OGG1: variants seen among roughly 807,000 people sequenced by gnomAD.
OGG1 encodes 8-oxoguanine DNA glycosylase, also known as N-glycosylase/DNA lyase.
OGG1 carries 35 observed loss-of-function variants against 42.3 expected under a neutral mutation model. That is an observed-to-expected ratio of 0.83 (90% CI 0.63 to 1.10). OGG1 has a LOEUF of 1.10. OGG1 is among the 50% of genes least tolerant of loss of function. The pLI, the probability that OGG1 is intolerant of heterozygous loss-of-function variation, is 0.00. For missense variants in OGG1, 484 were observed against 446.7 expected (o/e 1.08, Z -0.75); for synonymous variants, 189 against 179.0 (o/e 1.06, Z -0.44).
chr3:9,778,304 T>C (rs1229318434), intron 2 of OGG1, among the ~76,000 whole-genome samples: 1 of 152,210 alleles, frequency 6.6e-6, no homozygotes, highest in Non-Finnish European at 1.5e-5. Flanking sequence ...CACTGAGAAA[T>C]TGCAGCAGCT....
chr3:9,768,897 G>T (rs1307247578), downstream of OGG1, among the ~76,000 whole-genome samples: 1 of 152,094 alleles, frequency 6.6e-6, no homozygotes, highest in African/African-American at 2.4e-5. Flanking sequence ...TAGGAAAGGA[G>T]ACTCGAGTGT....
rs1373418749 is a variant in OGG1, at chr3:9,750,307, G to A, written c.21G>A (p.Leu7=). 1 of 1,612,708 alleles carries A rather than the reference G, an allele frequency of 6.2e-7. No individual in the cohort carries two copies. Among genetic ancestry groups the A allele is most frequent in the Non-Finnish European group, 8.5e-7 (1 of 1,179,344 alleles). The change falls in exon 1 of 7, where the codon CTG becomes CTA. Residue 7 remains leucine (L), a synonymous_variant. Transcript: ENST00000344629. The stretch of plus-strand genomic sequence containing the variant: ...TGGAAATGCCTGCCCGCGCGCTTCT[G>A]CCCAGGCGCATGGGGCATCGTACTC... MPARAL[L]PRRMGHRTLA...
downstream of OGG1, among the ~76,000 whole-genome samples, chr3:9,768,670 T>A (rs1008942999): frequency 6.6e-6 from 1 of 152,170 alleles, no homozygotes; most frequent in African/African-American, 2.4e-5. Context: ...ATGGGCCCCA[T>A]TCAGAGAACA....
At chr3:9,775,232 C>G (rs2078349998) in intron 2 of OGG1, among the ~76,000 whole-genome samples, 1 of 151,728 alleles carries the variant, frequency 6.6e-6, no homozygotes, top group Non-Finnish European at 1.5e-5. Flanking sequence ...GAGCAAGACC[C>G]TGTCTCAAAA....
intron 2 of OGG1, chr3:9,780,656 G>T: frequency 8.3e-7 from 1 of 1,201,352 alleles, no homozygotes; most frequent in Non-Finnish European, 1.1e-6. Flanking sequence ...CATGCCTGTG[G>T]ATTGTGTCAT....
At chr3:9,773,318 A>G (rs1387438831) in intron 2 of OGG1, among the ~76,000 whole-genome samples, 2 of 151,832 alleles carry the variant, frequency 1.3e-5, no homozygotes, top group Non-Finnish European at 2.9e-5. Context: ...TCATGAGGTC[A>G]GGAGATCGAG....
rs535504169 is a variant in OGG1 at position 9,775,812 on chromosome 3, G to A, written c.295-5701G>A. Among the ~76,000 whole-genome samples, 7 of 152,116 alleles carry A rather than the reference G, an allele frequency of 4.6e-5. No individual in the cohort carries two copies. In the East Asian group the frequency reaches 1.4e-3, roughly 29 times the overall value. On this transcript the variant is annotated intron_variant, in intron 2 of 3. Coordinates refer to the OGG1 transcript ENST00000426518. ...GTGCCACCATGCCTGGCTACGTTTTGTATTTTTAGTAGAGACAGGGTTTCA... is the reference window on the plus strand; with the variant it reads ...GTGCCACCATGCCTGGCTACGTTTTATATTTTTAGTAGAGACAGGGTTTCA...
intron 2 of OGG1, among the ~76,000 whole-genome samples, chr3:9,773,228 C>CAAAAA (rs76519627): frequency 5.7e-4 from 54 of 94,770 alleles, no homozygotes; most frequent in African/African-American, 2.0e-3. Flanking sequence ...GACTACATCT[C>CAAAAA]AAAAAAAAAA....
intron 7 of OGG1, chr3:9,765,722 G>A (rs764312016): frequency 1.9e-6 from 3 of 1,609,948 alleles, no homozygotes; most frequent in Non-Finnish European, 2.5e-6. Context: ...CCAAGGCAGG[G>A]TCAGCTTGGG....
At position 9,754,895 on chromosome 3, in the gene OGG1, C is replaced by G; in HGVS notation, c.747+10C>G. 6.3e-7 allele frequency: 1 copy of G among 1,577,734 alleles called. No individual in the cohort carries two copies. The highest frequency in any genetic ancestry group is 1.3e-5 in the African/African-American group (1 of 74,336). On this transcript the variant is annotated intron_variant, in intron 4 of 6. Transcript: ENST00000344629. ...TGGAGTGGGCACCAAGGTGAGGCCC[C>G]AGGGGGTAGGAGCTGCCCTCTCTAC...
At chr3:9,788,705 A>T (rs1467687098), downstream of OGG1, among the ~76,000 whole-genome samples, 1 of 151,286 alleles carries the variant, frequency 6.6e-6, no homozygotes. Flanking sequence ...GTGCCAGGCT[A>T]ATTTTTGTAT....
chr3:9,759,299 C>T, downstream of OGG1: 1 of 1,603,306 alleles, frequency 6.2e-7, no homozygotes, highest in Non-Finnish European at 8.5e-7. Flanking sequence ...GAGGGACCCT[C>T]TCTGGAATAG....
At chr3:9,785,797 T>TC (rs1369063943) in intron 3 of OGG1, among the ~76,000 whole-genome samples, 1 of 152,236 alleles carries the variant, frequency 6.6e-6, no homozygotes, top group Non-Finnish European at 1.5e-5. Context: ...GCAATGCCTG[T>TC]CCAGTTGTAC....
intron 3 of OGG1, chr3:9,783,175 CTGTG>C (rs766462669): frequency 2.6e-5 from 4 of 152,008 alleles, no homozygotes; most frequent in African/African-American, 7.3e-5. Flanking sequence ...TTCAGATTTT[CTGTG>C]TGTATCAAAT....
At chr3:9,783,516 G>C (rs989601409) in intron 3 of OGG1, 1 of 152,288 alleles carries the variant, frequency 6.6e-6, no homozygotes, top group Non-Finnish European at 1.5e-5. Context: ...AGTGGCTCAC[G>C]CCTGTAATCC....
downstream of OGG1, chr3:9,761,284 G>T: frequency 3.1e-6 from 2 of 651,820 alleles, no homozygotes; most frequent in Non-Finnish European, 5.1e-6. Context: ...GTGCTTGCTT[G>T]GCACAGTGCT....
At chr3:9,764,628 G>GTTTTTTTTTT (rs55972033) in intron 7 of OGG1, among the ~76,000 whole-genome samples, 12 of 92,308 alleles carry the variant, frequency 1.3e-4, no homozygotes, top group South Asian at 3.7e-4. Context: ...TTTTTTTTTT[G>GTTTTTTTTTT]TTTTTTTTTT....
At position 9,757,333 on chromosome 3, in the gene OGG1, G is replaced by A; in HGVS notation, c.*183G>A. The A allele has an allele frequency of 1.9e-6, 3 of 1,614,178 alleles. No homozygotes were observed. The highest frequency in any genetic ancestry group is 2.2e-5 in the East Asian group (1 of 44,890). ...AGATGGGGTGGGGGATATTGAGGGA[G>A]ACAGCGCTAAGGATGGTTTTATCTT... On this transcript the variant is annotated 3_prime_UTR_variant, in exon 7 of 7. Transcript: ENST00000344629. This position sits in a 1 kb window ranked among gnomAD's most constrained non-coding sequence, Gnocchi z 4.5.
intron 2 of OGG1, among the ~76,000 whole-genome samples, chr3:9,776,576 C>T (rs749792092): frequency 5.9e-5 from 9 of 151,632 alleles, no homozygotes; most frequent in Admixed American, 1.3e-4. Context: ...TTTTTAGTAG[C>T]GAAGGGGTTT....
Sources: gnomAD v4.1 joint callset for allele counts (sites outside exome capture counted in the v4.1 genomes callset) on GRCh38, gnomAD v4.1.1 for gene constraint, Gnocchi (gnomAD v3.1) non-coding constraint, MANE v1.5 for transcripts, NCBI Gene and HGNC (gene_info 2026-07-23, HGNC 2026-07-21) for gene names.